Variants in WARS2 observed in about 807,000 individuals in gnomAD.
The protein encoded by WARS2 is tryptophanyl tRNA synthetase 2, mitochondrial.
Under a neutral mutation model 36.5 loss-of-function variants are expected in WARS2, and 28 were observed. The ratio of observed to expected loss-of-function variants is 0.77; its 90% CI spans 0.57 to 1.05. The LOEUF (loss-of-function observed/expected upper bound fraction) is 1.05, where lower values mean the gene tolerates loss of function less well. Ranked by LOEUF, WARS2 falls within the 50% of genes least tolerant of loss-of-function variation. The pLI is 0.00. For synonymous variants in WARS2, 174 were observed against 178.4 expected (o/e 0.98, Z 0.20); for missense variants, 435 against 456.8 (o/e 0.95, Z 0.44).
intron 1 of WARS2, among the ~76,000 whole-genome samples, chr1:119,078,610 C>T (rs1019714555): frequency 6.6e-6 from 1 of 152,158 alleles, no homozygotes; most frequent in South Asian, 2.1e-4. Context: ...ATGATTACTA[C>T]CTATTTTTAC....
At chr1:119,112,544 G>A (rs1378410650) in intron 1 of WARS2, among the ~76,000 whole-genome samples, 1 of 152,192 alleles carries the variant, frequency 6.6e-6, no homozygotes, top group Non-Finnish European at 1.5e-5. Context: ...GTTAAGAGCA[G>A]GAACATCTCT....
chr1:119,047,228 C>T (rs1241249566), intron 2 of WARS2, among the ~76,000 whole-genome samples: 1 of 152,136 alleles, frequency 6.6e-6, no homozygotes, highest in Admixed American at 6.5e-5. Context: ...AAATACATTC[C>T]CATTAGAAGT....
chr1:119,032,334 T>C lies in WARS2; in HGVS notation c.*577A>G, dbSNP rs1314976495. ...CCATATCTCTGAATTAAAAAACAAA[T>C]TATTGCTGGAACAGTTGGTGTTATC... On this transcript the variant is annotated 3_prime_UTR_variant, in exon 6 of 6. Transcript: ENST00000235521. The C allele has an allele frequency of 6.6e-6, 1 of 152,348 alleles. No homozygotes were observed. The highest frequency in any genetic ancestry group is 2.4e-5 in the African/African-American group (1 of 41,428). The allele number at this position is 152,348 out of a possible 1,614,324, so 9.4% of individuals were successfully genotyped here. A position where few individuals can be genotyped will look rare whatever the true frequency, so the allele number is the denominator to read the frequency against.
Position 119,031,865 on chromosome 1 carries a change from T to C in WARS2, c.*1046A>G, listed in dbSNP as rs574200636. 2 of 152,682 alleles carry C rather than the reference T, an allele frequency of 1.3e-5. No homozygotes were observed. Among genetic ancestry groups the C allele is most frequent in the African/African-American group, 4.8e-5 (2 of 41,566 alleles). 9.5% of individuals were successfully genotyped at this position (152,682 alleles called of 1,614,324 possible). On this transcript the variant is annotated 3_prime_UTR_variant, in exon 6 of 6. Coordinates refer to ENST00000235521, the MANE Select transcript of WARS2 (RefSeq NM_015836.4). ...AGAACTTGGGACCCGCCTTGGGGATTTTGATGGGGAAATGTGACCACGGTT... is the reference window on the plus strand; with the variant it reads ...AGAACTTGGGACCCGCCTTGGGGATCTTGATGGGGAAATGTGACCACGGTT...
intron 2 of WARS2, among the ~76,000 whole-genome samples, chr1:119,060,666 G>A (rs1650299895): frequency 6.6e-6 from 1 of 152,218 alleles, no homozygotes; most frequent in Non-Finnish European, 1.5e-5. Flanking sequence ...AAAGCAGGCA[G>A]AAACTAGGGG....
intron 1 of WARS2, among the ~76,000 whole-genome samples, chr1:119,081,686 A>G (rs2101351323): frequency 6.6e-6 from 1 of 152,166 alleles, no homozygotes; most frequent in South Asian, 2.1e-4. Flanking sequence ...TAAAGCTGTC[A>G]CTCCTTAGCT....
chr1:119,088,177 A>T (rs1652805650), intron 1 of WARS2, among the ~76,000 whole-genome samples: 1 of 152,172 alleles, frequency 6.6e-6, no homozygotes, highest in South Asian at 2.1e-4. Context: ...TATGAATGAA[A>T]AAGAGAAGGT....
At chr1:119,123,418 A>G (rs1269947273) in intron 1 of WARS2, among the ~76,000 whole-genome samples, 1 of 152,206 alleles carries the variant, frequency 6.6e-6, no homozygotes, top group Non-Finnish European at 1.5e-5. Context: ...TTCCATACCC[A>G]TCAAGCTATC....
intron 1 of WARS2, among the ~76,000 whole-genome samples, chr1:119,083,483 T>C (rs587617503): frequency 6.6e-6 from 1 of 152,234 alleles, no homozygotes; most frequent in Non-Finnish European, 1.5e-5. Context: ...TATTTTGTTA[T>C]AGCAGCACAA....
At chr1:119,046,774 C>T (rs1475751502) in intron 2 of WARS2, among the ~76,000 whole-genome samples, 4 of 141,252 alleles carry the variant, frequency 2.8e-5, no homozygotes, top group African/African-American at 7.8e-5. Flanking sequence ...TCAACTGTGG[C>T]TTTTTTTTTT....
intron 2 of WARS2, among the ~76,000 whole-genome samples, chr1:119,067,593 T>C (rs1650978445): frequency 6.6e-6 from 1 of 152,184 alleles, no homozygotes; most frequent in African/African-American, 2.4e-5. Context: ...TATAAATCCT[T>C]CTCAATATCA....
chr1:119,094,815 C>T (rs1044632932), intron 1 of WARS2, among the ~76,000 whole-genome samples: 2 of 152,098 alleles, frequency 1.3e-5, no homozygotes, highest in Non-Finnish European at 2.9e-5. Context: ...TACTTTGCAT[C>T]CTCTGACCTA....
At chr1:119,037,106 TG>T (rs1647948122) in intron 4 of WARS2, among the ~76,000 whole-genome samples, 1 of 152,202 alleles carries the variant, frequency 6.6e-6, no homozygotes, top group South Asian at 2.1e-4. Flanking sequence ...CCCTGCATAA[TG>T]ATATCCCTTT....
chr1:119,115,679 TTCTC>T (rs992413301), intron 1 of WARS2, among the ~76,000 whole-genome samples: 6 of 152,280 alleles, frequency 3.9e-5, no homozygotes, highest in East Asian at 1.9e-4. Flanking sequence ...ATAATTAGTT[TTCTC>T]TCTCTTTCTT....
At chr1:119,078,529 G>A (rs1239239376) in intron 1 of WARS2, among the ~76,000 whole-genome samples, 1 of 152,066 alleles carries the variant, frequency 6.6e-6, no homozygotes, top group Non-Finnish European at 1.5e-5. Context: ...TAGCTAATCT[G>A]ATGGAAATGA....
chr1:119,108,168 T>C (rs752557421), intron 1 of WARS2, among the ~76,000 whole-genome samples: 2 of 151,962 alleles, frequency 1.3e-5, no homozygotes, highest in Non-Finnish European at 2.9e-5. Context: ...TATTTTGTCT[T>C]TTATTGGTAT....
At chr1:119,040,643 A>G (rs896993151) in intron 4 of WARS2, among the ~76,000 whole-genome samples, 31 of 152,348 alleles carry the variant, frequency 2.0e-4, no homozygotes, top group Non-Finnish European at 1.6e-4. Context: ...GTAGGCCTTG[A>G]AACAAAATTA....
At chr1:119,057,330 G>A (rs1487519106) in intron 2 of WARS2, among the ~76,000 whole-genome samples, 1 of 151,696 alleles carries the variant, frequency 6.6e-6, no homozygotes, top group Non-Finnish European at 1.5e-5. Flanking sequence ...GTTTTTAGTA[G>A]AGACAGGGTT....
intron 1 of WARS2, among the ~76,000 whole-genome samples, chr1:119,080,139 A>T (rs1175624156): frequency 6.6e-6 from 1 of 152,192 alleles, no homozygotes; most frequent in Non-Finnish European, 1.5e-5. Flanking sequence ...GAAGAGAGAA[A>T]GCAAAGCAGA....
Sources: allele counts gnomAD v4.1 joint callset (sites outside exome capture counted in the v4.1 genomes callset), GRCh38; gene constraint gnomAD v4.1.1; transcripts MANE v1.5; gene names NCBI Gene and HGNC (gene_info 2026-07-23, HGNC 2026-07-21).